SCIN: variants seen among roughly 807,000 people sequenced by gnomAD.
SCIN encodes scinderin.
Under a neutral mutation model 91.8 loss-of-function variants are expected in SCIN, and 91 were observed. The ratio of observed to expected loss-of-function variants is 0.99; its 90% CI spans 0.84 to 1.18. The LOEUF is 1.18. Ranked by LOEUF, SCIN falls within the 50% of genes most tolerant of loss-of-function variation. SCIN has a pLI of 0.00. For missense variants in SCIN, 1,087 were observed against 863.9 expected (o/e 1.26, Z -3.24); for synonymous variants, 367 against 312.6 (o/e 1.17, Z -1.84).
At chr7:12,604,991 C>T (rs117674262) in intron 4 of SCIN, among the ~76,000 whole-genome samples, 2,344 of 150,676 alleles carry the variant, frequency 0.016, 24 homozygotes, top group Middle Eastern at 0.027. Context: ...GGAAGGAAGA[C>T]AATATTAATA....
intron 4 of SCIN, among the ~76,000 whole-genome samples, chr7:12,606,821 A>G (rs1295353969): frequency 6.6e-6 from 1 of 152,180 alleles, no homozygotes; most frequent in Non-Finnish European, 1.5e-5. Context: ...TTAAGATAAA[A>G]TTAGGGATGG....
At chr7:12,640,608 C>T in intron 11 of SCIN, 91 bp downstream of exon 11, 1 of 1,132,616 alleles carries the variant, frequency 8.8e-7, no homozygotes. Flanking sequence ...AAAAACTTGG[C>T]AAATAAACTC....
At chr7:12,645,018 T>TAAA (rs35352647) in intron 13 of SCIN, among the ~76,000 whole-genome samples, 61 of 93,760 alleles carry the variant, frequency 6.5e-4, no homozygotes, top group East Asian at 2.0e-3. Context: ...AAAACTCCGT[T>TAAA]AAAAAAAAAA....
At chr7:12,595,177 G>C (rs1481458300) in intron 3 of SCIN, among the ~76,000 whole-genome samples, 2 of 152,118 alleles carry the variant, frequency 1.3e-5, no homozygotes, top group Admixed American at 1.3e-4. Flanking sequence ...TTATCCTGCT[G>C]AGCTGCTCCA....
chr7:12,618,668 A>C (rs1175137449), intron 4 of SCIN, among the ~76,000 whole-genome samples: 1 of 152,110 alleles, frequency 6.6e-6, no homozygotes, highest in Non-Finnish European at 1.5e-5. Flanking sequence ...GTCTTACCTA[A>C]GGCATAAAAT....
chr7:12,592,238 A>C (rs1782739055), intron 3 of SCIN, among the ~76,000 whole-genome samples: 1 of 152,000 alleles, frequency 6.6e-6, no homozygotes, highest in Admixed American at 6.6e-5. Flanking sequence ...GAGAGAGAGA[A>C]GTGGATAGGG....
At chr7:12,632,189 G>A (rs909761376) in intron 9 of SCIN, among the ~76,000 whole-genome samples, 5 of 150,206 alleles carry the variant, frequency 3.3e-5, no homozygotes, top group African/African-American at 1.2e-4. Context: ...GAGTACAGTG[G>A]TGCCACTCTT....
At chr7:12,581,447 T>C (rs1173640235) in intron 3 of SCIN, among the ~76,000 whole-genome samples, 3 of 152,182 alleles carry the variant, frequency 2.0e-5, no homozygotes, top group East Asian at 3.9e-4. Flanking sequence ...CTTCCTACCA[T>C]AGAACAGAAA....
intron 3 of SCIN, among the ~76,000 whole-genome samples, chr7:12,583,244 T>G (rs1167298844): frequency 2.0e-5 from 3 of 152,226 alleles, no homozygotes; most frequent in African/African-American, 7.2e-5. Context: ...TTAATGTCTC[T>G]GAGCCTTAAC....
intron 4 of SCIN, among the ~76,000 whole-genome samples, chr7:12,612,782 C>G (rs964330710): frequency 2.0e-5 from 3 of 152,106 alleles, no homozygotes; most frequent in Admixed American, 1.3e-4. Flanking sequence ...TTGAAATGTT[C>G]TGAACAAAGA....
At chr7:12,640,950 C>T (rs967964159) in intron 11 of SCIN, among the ~76,000 whole-genome samples, 1 of 152,166 alleles carries the variant, frequency 6.6e-6, no homozygotes, top group South Asian at 2.1e-4. Flanking sequence ...AGAACCATAA[C>T]TGAACTGGCC....
chr7:12,652,965 C>T lies in SCIN; in HGVS notation c.*250C>T, dbSNP rs866900483. 2.9e-5 allele frequency: 10 copies of T among 349,074 alleles called. 1 individual carries two copies. The highest frequency in any genetic ancestry group is 1.7e-4 in the East Asian group (2 of 11,840). The allele number at this position is 349,074 out of a possible 1,614,324, so 21.6% of individuals were successfully genotyped here. A position where few individuals can be genotyped will look rare whatever the true frequency, so the allele number is the denominator to read the frequency against. ...TAAAAATACAAAAAAATTAGCTGCG[C>T]GTGGTGGTGCACGCCTGTAGTCCCT... On this transcript the variant is annotated 3_prime_UTR_variant, in exon 16 of 16. Transcript: ENST00000297029.
At chr7:12,621,635 T>C (rs1783409368) in intron 4 of SCIN, among the ~76,000 whole-genome samples, 1 of 100,182 alleles carries the variant, frequency 1.0e-5, no homozygotes, top group Admixed American at 1.5e-4. Context: ...ACAAGTGTTT[T>C]AGTTTTTTTT....
chr7:12,589,398 T>C (rs1165813002), intron 3 of SCIN: 1 of 152,188 alleles, frequency 6.6e-6, no homozygotes, highest in Non-Finnish European at 1.5e-5. Flanking sequence ...TAATTTTTTC[T>C]ATTTTTAGTA....
intron 4 of SCIN, chr7:12,610,898 C>T (rs576159980): frequency 1.3e-5 from 2 of 152,298 alleles, no homozygotes; most frequent in African/African-American, 2.4e-5. Flanking sequence ...CGGTAGGAAA[C>T]ATGTAGCTAG....
intron 9 of SCIN, among the ~76,000 whole-genome samples, chr7:12,631,078 T>G (rs17527572): frequency 0.16 from 24,440 of 152,174 alleles, 2,787 homozygotes; most frequent in Admixed American, 0.35. Flanking sequence ...CAAAAGAGTG[T>G]TTTGAGGAAT....
intron 4 of SCIN, among the ~76,000 whole-genome samples, chr7:12,616,190 T>C (rs2115263909): frequency 6.6e-6 from 1 of 152,214 alleles, no homozygotes; most frequent in South Asian, 2.1e-4. Context: ...AGACTAATAA[T>C]GTTACCAGAG....
rs111417819 is a variant in SCIN, at chr7:12,643,984, T to C, written c.1582-154T>C. Among the ~76,000 whole-genome samples, 248 of 152,256 alleles carry C rather than the reference T, an allele frequency of 1.6e-3. 3 individuals are homozygous for C. Among genetic ancestry groups the C allele is most frequent in the African/African-American group, 5.7e-3 (235 of 41,558 alleles). ...AGTGCTCCTACTCTAGGGTTTAAAA[T>C]ACCATAGTGGTGTCCCAGAGCGGCT... On this transcript the variant is annotated intron_variant, in intron 11 of 15. Transcript: ENST00000297029.
intron 12 of SCIN, 56 bp from the exon 13 acceptor site, chr7:12,644,528 G>T: frequency 1.3e-6 from 2 of 1,590,198 alleles, no homozygotes; most frequent in East Asian, 2.2e-5. Flanking sequence ...CATATAAAGC[G>T]ACAGCAAGCA....
Sources: allele counts gnomAD v4.1 joint callset (sites outside exome capture counted in the v4.1 genomes callset), GRCh38; gene constraint gnomAD v4.1.1; transcripts MANE v1.5; gene names NCBI Gene and HGNC (gene_info 2026-07-23, HGNC 2026-07-21).